The following RANBP2 variants were observed in gnomAD, a reference collection of about 807,000 sequenced individuals.
RANBP2 encodes RAN binding protein 2.
A neutral mutation model predicts 303.6 loss-of-function variants in RANBP2; 57 were observed. The observed-to-expected ratio is 0.19, with a 90% CI of 0.15 to 0.23. RANBP2 has a LOEUF of 0.23. Among genes scored for constraint, RANBP2 ranks in the 10% least tolerant of loss-of-function variants. The probability of loss-of-function intolerance (pLI) is 1.00; values close to 1 mark genes in which losing one functional copy is unlikely to be tolerated. For missense variants in RANBP2, 3,138 were observed against 3,780.8 expected (o/e 0.83, Z 4.46); for synonymous variants, 1,167 against 1,301.5 (o/e 0.90, Z 2.23).
chr2:109,026,848 G>A, the RANBP2 span, among the ~76,000 whole-genome samples: 4 of 152,050 alleles, frequency 2.6e-5, no homozygotes, highest in Non-Finnish European at 2.9e-5. Flanking sequence ...GGTGGATCAC[G>A]AGGTCACCAT....
chr2:109,211,644 C>CTT, the RANBP2 span, among the ~76,000 whole-genome samples: 1 of 124,968 alleles, frequency 8.0e-6, no homozygotes, highest in Admixed American at 8.6e-5. Context: ...TCCTGCATTT[C>CTT]TTTCTTTTTT....
At chr2:108,865,483 T>TCTGG in the RANBP2 span, among the ~76,000 whole-genome samples, 1 of 152,236 alleles carries the variant, frequency 6.6e-6, no homozygotes, top group African/African-American at 2.4e-5. Context: ...TCTGTTGATG[T>TCTGG]TTTTGTGCCA....
At chr2:109,239,200 T>C in the RANBP2 span, among the ~76,000 whole-genome samples, 1 of 152,090 alleles carries the variant, frequency 6.6e-6, no homozygotes, top group Non-Finnish European at 1.5e-5. Flanking sequence ...CCCTGCACAG[T>C]GCTCCGAAAA....
chr2:109,049,326 C>CT, the RANBP2 span, among the ~76,000 whole-genome samples: 1 of 152,204 alleles, frequency 6.6e-6, no homozygotes, highest in Non-Finnish European at 1.5e-5. Flanking sequence ...GCACTTGCCT[C>CT]TTCTCTCCCT....
chr2:109,682,657 T>C, the RANBP2 span, among the ~76,000 whole-genome samples: 3 of 152,132 alleles, frequency 2.0e-5, no homozygotes, highest in African/African-American at 4.8e-5. Context: ...ACTGAACTCA[T>C]AGTAAGGTGT....
At chr2:109,669,918 A>G in the RANBP2 span, among the ~76,000 whole-genome samples, 1 of 123,866 alleles carries the variant, frequency 8.1e-6, no homozygotes. Flanking sequence ...TGCAGGCATC[A>G]GGTGCCCCCA....
chr2:109,108,802 T>G, the RANBP2 span, among the ~76,000 whole-genome samples: 1 of 152,132 alleles, frequency 6.6e-6, no homozygotes. Context: ...TCCTAGGAAT[T>G]CCTCTCTCAG....
chr2:109,615,187 G>C, the RANBP2 span: 1 of 1,548,804 alleles, frequency 6.5e-7, no homozygotes, highest in East Asian at 2.4e-5. Context: ...TCCTCCGGGG[G>C]AGGACGCGGC....
the RANBP2 span, among the ~76,000 whole-genome samples, chr2:109,386,247 A>G: frequency 6.6e-6 from 1 of 152,226 alleles, no homozygotes; most frequent in Non-Finnish European, 1.5e-5. Context: ...GTCCCTGAGG[A>G]TGGCCTAGCC....
the RANBP2 span, chr2:109,503,994 T>C: frequency 6.6e-6 from 1 of 152,164 alleles, no homozygotes; most frequent in Admixed American, 6.5e-5. Context: ...GAGCGATGCG[T>C]GGGTCTGGCC....
At chr2:109,493,574 AC>A in the RANBP2 span, among the ~76,000 whole-genome samples, 1 of 151,250 alleles carries the variant, frequency 6.6e-6, no homozygotes, top group Non-Finnish European at 1.5e-5. Flanking sequence ...TACACACTGC[AC>A]ACACCCCACA....
chr2:108,930,200 C>G, the RANBP2 span: 9 of 1,614,096 alleles, frequency 5.6e-6, no homozygotes, highest in South Asian at 8.8e-5. Flanking sequence ...TCGTTCTCAC[C>G]GCAGTTTGAG....
At chr2:109,202,862 C>A in the RANBP2 span, among the ~76,000 whole-genome samples, 2 of 152,222 alleles carry the variant, frequency 1.3e-5, no homozygotes, top group Admixed American at 1.3e-4. Flanking sequence ...AATTTATGGA[C>A]TGAACAACTG....
chr2:109,582,007 C>T, the RANBP2 span, among the ~76,000 whole-genome samples: 210 of 151,960 alleles, frequency 1.4e-3, 1 homozygote, highest in African/African-American at 4.6e-3. Context: ...CAAAAATCAG[C>T]AGCATTTCTG....
the RANBP2 span, among the ~76,000 whole-genome samples, chr2:109,132,142 G>C: frequency 6.6e-6 from 1 of 151,984 alleles, no homozygotes; most frequent in Non-Finnish European, 1.5e-5. Flanking sequence ...TTAATAGAGG[G>C]GCACTTATTT....
At chr2:109,415,292 A>G in the RANBP2 span, among the ~76,000 whole-genome samples, 4 of 152,334 alleles carry the variant, frequency 2.6e-5, no homozygotes, top group South Asian at 8.3e-4. Context: ...AACTAACACC[A>G]CGGTGTGGTG....
chr2:108,802,074 C>G, the RANBP2 span, among the ~76,000 whole-genome samples: 1 of 144,758 alleles, frequency 6.9e-6, no homozygotes, highest in Non-Finnish European at 1.5e-5. Flanking sequence ...ATGGCTCCAG[C>G]TTTGTTCTTT....
At chr2:109,486,168 C>A in the RANBP2 span, among the ~76,000 whole-genome samples, 1 of 152,246 alleles carries the variant, frequency 6.6e-6, no homozygotes, top group Non-Finnish European at 1.5e-5. Context: ...TCTTTGTCGT[C>A]TGGAAATCAC....
chr2:109,308,107 T>G, the RANBP2 span, among the ~76,000 whole-genome samples: 1 of 145,530 alleles, frequency 6.9e-6, no homozygotes, highest in Non-Finnish European at 1.5e-5. Flanking sequence ...TTTTTAATGA[T>G]TGCCATTCTA....
Sources: allele counts gnomAD v4.1 joint callset (sites outside exome capture counted in the v4.1 genomes callset), GRCh38; gene constraint gnomAD v4.1.1; transcripts MANE v1.5; gene names NCBI Gene and HGNC (gene_info 2026-07-23, HGNC 2026-07-21).